The following ATG7 variants were observed in gnomAD, a reference collection of about 807,000 sequenced individuals.
The protein encoded by ATG7 is ubiquitin-like modifier-activating enzyme ATG7.
A neutral mutation model predicts 82.4 loss-of-function variants in ATG7; 70 were observed. The ratio of observed to expected loss-of-function variants is 0.85; its 90% CI spans 0.70 to 1.04. ATG7 has a LOEUF of 1.04. Ranked by LOEUF, ATG7 falls within the 50% of genes least tolerant of loss-of-function variation. ATG7 has a pLI of 0.00. For missense variants in ATG7, 792 were observed against 864.3 expected (o/e 0.92, Z 1.05); for synonymous variants, 287 against 313.0 (o/e 0.92, Z 0.88).
rs923677719 is a variant in ATG7 at position 11,556,934 on chromosome 3, C to G, written c.*2091C>G. The G allele has an allele frequency of 2.0e-5, 3 of 152,782 alleles. No homozygotes were observed. The highest frequency in any genetic ancestry group is 1.5e-5 in the Non-Finnish European group (1 of 68,062). 9.5% of individuals were successfully genotyped at this position (152,782 alleles called of 1,614,324 possible). A position where few individuals can be genotyped will look rare whatever the true frequency, so the allele number is the denominator to read the frequency against. ...AAGGCCTGCAGCCACTCTGTGACTA[C>G]AAGAGCCAGTCCTCCGACCTTTTCA... On this transcript the variant is annotated 3_prime_UTR_variant, in exon 21 of 21. Coordinates refer to ENST00000693202, the MANE Select transcript of ATG7 (RefSeq NM_001349232.2).
At chr3:11,307,553 T>C (rs1224609532) in intron 6 of ATG7, among the ~76,000 whole-genome samples, 1 of 152,242 alleles carries the variant, frequency 6.6e-6, no homozygotes, top group Non-Finnish European at 1.5e-5. Flanking sequence ...CCTCTTTTCC[T>C]TTCTGACCTC....
At chr3:11,441,670 ATTT>A (rs35365064) in intron 20 of ATG7, among the ~76,000 whole-genome samples, 1 of 110,254 alleles carries the variant, frequency 9.1e-6, no homozygotes. Context: ...TTTTTTTTTA[ATTT>A]TTTTTTTTTT....
intron 20 of ATG7, among the ~76,000 whole-genome samples, chr3:11,495,731 A>G (rs931567150): frequency 1.3e-5 from 2 of 152,192 alleles, no homozygotes; most frequent in African/African-American, 4.8e-5. Flanking sequence ...ACAGCCGTGG[A>G]TATCACCAAG....
intron 3 of ATG7, among the ~76,000 whole-genome samples, chr3:11,286,508 G>A (rs568167850): frequency 1.4e-4 from 21 of 150,010 alleles, no homozygotes; most frequent in Admixed American, 4.6e-4. Context: ...GTTTCTTTTC[G>A]GGAGGATATC....
chr3:11,289,598 T>C lies in ATG7; in HGVS notation c.-11+7160T>C, dbSNP rs147225998. On this transcript the variant is annotated intron_variant, in intron 3 of 20. Coordinates refer to ENST00000693202, the MANE Select transcript of ATG7 (RefSeq NM_001349232.2). Reference sequence around the variant, plus strand: ...GAAAATATTTGAAGGATGTGCCTCTTATGCAAATTACTTTTGTGCAATCAT... The same window carrying C: ...GAAAATATTTGAAGGATGTGCCTCTCATGCAAATTACTTTTGTGCAATCAT... 4.8e-3 allele frequency among the ~76,000 whole-genome samples: 733 copies of C among 152,306 alleles called. 6 individuals carry two copies. The highest frequency in any genetic ancestry group is 0.017 in the African/African-American group (703 of 41,552).
At chr3:11,503,109 T>C (rs1278714334) in intron 20 of ATG7, among the ~76,000 whole-genome samples, 1 of 151,606 alleles carries the variant, frequency 6.6e-6, no homozygotes, top group Non-Finnish European at 1.5e-5. Context: ...GGCAGGAGAG[T>C]GGGCAGTCCT....
intron 3 of ATG7, among the ~76,000 whole-genome samples, chr3:11,295,933 C>T (rs185588252): frequency 3.3e-5 from 5 of 152,254 alleles, no homozygotes; most frequent in Admixed American, 3.3e-4. Context: ...CATGTGCCAC[C>T]ACACCCAGCT....
intron 20 of ATG7, among the ~76,000 whole-genome samples, chr3:11,549,204 A>G (rs2071555905): frequency 6.6e-6 from 1 of 152,184 alleles, no homozygotes; most frequent in African/African-American, 2.4e-5. Context: ...AGGATTTCAT[A>G]TAAATGAAAT....
intron 9 of ATG7, among the ~76,000 whole-genome samples, chr3:11,323,369 G>C (rs922770325): frequency 6.6e-6 from 1 of 152,148 alleles, no homozygotes; most frequent in Non-Finnish European, 1.5e-5. Flanking sequence ...CCAAGACCCT[G>C]CCAGCTTCCC....
intron 19 of ATG7, among the ~76,000 whole-genome samples, chr3:11,384,250 A>G (rs577220057): frequency 1.8e-4 from 28 of 152,320 alleles, no homozygotes; most frequent in Admixed American, 1.4e-3. Flanking sequence ...GCACAATTCT[A>G]TTACTCACAA....
At chr3:11,430,470 A>T (rs1240037755) in intron 20 of ATG7, among the ~76,000 whole-genome samples, 2 of 152,224 alleles carry the variant, frequency 1.3e-5, no homozygotes, top group Non-Finnish European at 2.9e-5. Context: ...TATTTATTTT[A>T]GCAACACAAT....
At chr3:11,374,067 A>C (rs2077216957) in intron 18 of ATG7, among the ~76,000 whole-genome samples, 1 of 152,236 alleles carries the variant, frequency 6.6e-6, no homozygotes. Context: ...TCTAAAAGCA[A>C]GAAAGATAAA....
At chr3:11,497,059 C>G (rs1277792912) in intron 20 of ATG7, among the ~76,000 whole-genome samples, 3 of 151,544 alleles carry the variant, frequency 2.0e-5, no homozygotes, top group Non-Finnish European at 4.4e-5. Flanking sequence ...CCGTGTTGGC[C>G]AGGCTGGTCT....
the ATG7 span, among the ~76,000 whole-genome samples, chr3:11,564,469 G>A: frequency 2.0e-5 from 3 of 152,024 alleles, no homozygotes; most frequent in African/African-American, 7.2e-5. Flanking sequence ...GAAGACTGCT[G>A]GAGGAAACAC....
chr3:11,493,629 G>A (rs2090580736), intron 20 of ATG7, among the ~76,000 whole-genome samples: 1 of 152,126 alleles, frequency 6.6e-6, no homozygotes, highest in Admixed American at 6.6e-5. Context: ...AGTAAAATCA[G>A]GATCAGAGAG....
chr3:11,376,355 A>G (rs563335310), intron 18 of ATG7, among the ~76,000 whole-genome samples: 4 of 152,216 alleles, frequency 2.6e-5, no homozygotes, highest in Non-Finnish European at 4.4e-5. Context: ...ACCCGTTATG[A>G]ATTTTAAACT....
chr3:11,491,735 C>T (rs2090375412), intron 20 of ATG7, among the ~76,000 whole-genome samples: 1 of 152,204 alleles, frequency 6.6e-6, no homozygotes, highest in African/African-American at 2.4e-5. Context: ...GCTAGAGGTC[C>T]AGTCCAGACC....
At chr3:11,474,446 A>G (rs187570426) in intron 20 of ATG7, among the ~76,000 whole-genome samples, 1 of 152,250 alleles carries the variant, frequency 6.6e-6, no homozygotes, top group Non-Finnish European at 1.5e-5. Context: ...CAAAAAATAC[A>G]AAAATTAGCT....
rs374125952 is a variant in ATG7 at position 11,333,016 on chromosome 3, G to A, written c.812G>A (p.Arg271His). 5.8e-5 allele frequency: 91 copies of A among 1,573,804 alleles called. 2 individuals are homozygous for A. The highest frequency in any genetic ancestry group is 7.2e-5 in the Non-Finnish European group (83 of 1,159,338). ...QSVEVVCFRD[R>H]TMQGARDVAH... is the part of the protein sequence containing the mutation. ...GTTGAAGTTGTTTGCTTCCGTGACC[G>A]TACCATGCAGGGGGCGAGAGACGTT... Residue 271 changes from arginine to histidine, a missense_variant, in exon 11 of 21, where the codon CGT (arginine) becomes CAT (histidine). Arg to His is a conservative substitution (Grantham distance 29). Coordinates refer to ENST00000693202, the MANE Select transcript of ATG7 (RefSeq NM_001349232.2).
Sources: allele counts gnomAD v4.1 joint callset (sites outside exome capture counted in the v4.1 genomes callset), GRCh38; gene constraint gnomAD v4.1.1; transcripts MANE v1.5; gene names NCBI Gene and HGNC (gene_info 2026-07-23, HGNC 2026-07-21).